COL5A1: variants seen among roughly 807,000 people sequenced by gnomAD.
COL5A1 encodes the protein collagen alpha-1(V) chain.
In COL5A1, 16 loss-of-function variants were observed where a neutral mutation model predicts 263.7. The observed-to-expected ratio is 0.06, with a 90% confidence interval of 0.04 to 0.09. The LOEUF is 0.09. COL5A1 is among the 10% of genes least tolerant of loss of function. The pLI is 1.00. For synonymous variants in COL5A1, 1,012 were observed against 1,004.5 expected (o/e 1.01, Z -0.14); for missense variants, 2,036 against 2,540.5 (o/e 0.80, Z 4.27).
intron 4 of COL5A1, among the ~76,000 whole-genome samples, chr9:134,707,485 T>C (rs1833876521): frequency 6.6e-6 from 1 of 151,934 alleles, no homozygotes; most frequent in Non-Finnish European, 1.5e-5. Context: ...GGGGCAGGAG[T>C]GGGGCCTGTG....
intron 11 of COL5A1, among the ~76,000 whole-genome samples, chr9:134,748,060 C>T (rs1052508322): frequency 3.5e-4 from 53 of 151,746 alleles, no homozygotes; most frequent in African/African-American, 1.3e-3. Context: ...CATGCATTCA[C>T]ACATGCACAC....
intron 11 of COL5A1, among the ~76,000 whole-genome samples, chr9:134,743,185 CTG>C (rs1298330029): frequency 6.6e-6 from 1 of 152,168 alleles, no homozygotes; most frequent in Non-Finnish European, 1.5e-5. Flanking sequence ...CCAGGCACTC[CTG>C]TGTTTTAAGG....
chr9:134,785,871 C>T lies in COL5A1; in HGVS notation c.2593-124C>T. 8 of 858,884 alleles carry T rather than the reference C, an allele frequency of 9.3e-6. No individual in the cohort carries two copies. The South Asian group carries it at 1.2e-4, about 12-fold the overall frequency. The allele number at this position is 858,884 out of a possible 1,614,324, so 53.2% of individuals were successfully genotyped here. A position where few individuals can be genotyped will look rare whatever the true frequency, so the allele number is the denominator to read the frequency against. ...GGGCTTCTGCATAATGACGTGTGCCCCCGCCTCTGGAAACCACACCCTCCT... is the reference window on the plus strand; with the variant it reads ...GGGCTTCTGCATAATGACGTGTGCCTCCGCCTCTGGAAACCACACCCTCCT... On this transcript the variant is annotated intron_variant, in intron 30 of 65. Coordinates refer to ENST00000371817, the MANE Select transcript of COL5A1 (RefSeq NM_000093.5).
intron 28 of COL5A1, among the ~76,000 whole-genome samples, chr9:134,781,538 G>A (rs1470220871): frequency 2.0e-5 from 3 of 152,206 alleles, no homozygotes; most frequent in African/African-American, 7.2e-5. Flanking sequence ...CAGCTTTGCC[G>A]CTTGATCTTG....
At chr9:134,666,422 G>C (rs1322459901) in intron 1 of COL5A1, among the ~76,000 whole-genome samples, 1 of 152,214 alleles carries the variant, frequency 6.6e-6, no homozygotes, top group African/African-American at 2.4e-5. Flanking sequence ...GGCCTCAGGC[G>C]AGTCTGTCCA....
At chr9:134,679,835 C>T (rs933129223) in intron 1 of COL5A1, among the ~76,000 whole-genome samples, 11 of 152,060 alleles carry the variant, frequency 7.2e-5, no homozygotes, top group Non-Finnish European at 1.0e-4. Context: ...CCAGTCCCCT[C>T]GCGAGGCCCC....
chr9:134,844,590 A>G lies in COL5A1; in HGVS notation c.*2287A>G, dbSNP rs186751580. On this transcript the variant is annotated 3_prime_UTR_variant, in exon 66 of 66. Transcript: ENST00000371817. Reference sequence around the variant, plus strand: ...TTATTTTTTCCTCTCAATATATATAATTGGACAAACGCTGGCAAAAAGAAA... The same window carrying G: ...TTATTTTTTCCTCTCAATATATATAGTTGGACAAACGCTGGCAAAAAGAAA... 6.6e-6 allele frequency: 1 copy of G among 152,300 alleles called. No homozygotes were observed. The highest frequency in any genetic ancestry group is 6.5e-5 in the Admixed American group (1 of 15,292). The allele number at this position is 152,300 out of a possible 1,614,324, so 9.4% of individuals were successfully genotyped here.
At chr9:134,785,890 CCCT>C in intron 30 of COL5A1, 102 bp from the exon 31 acceptor site, 1 of 1,075,414 alleles carries the variant, frequency 9.3e-7, no homozygotes, top group Non-Finnish European at 1.4e-6. Flanking sequence ...GGAAACCACA[CCCT>C]CCTCCAGGCC....
At chr9:134,826,656 GGTGGATGGGTGT>G (rs1182719931) in intron 63 of COL5A1, among the ~76,000 whole-genome samples, 1 of 150,734 alleles carries the variant, frequency 6.6e-6, no homozygotes, top group African/African-American at 2.5e-5. Context: ...GCATGTGGCT[GGTGGATGGGTGT>G]GTGTATGGGT....
Position 134,647,379 on chromosome 9 carries a change from G to A in COL5A1, c.109+5083G>A, listed in dbSNP as rs1181037748. On this transcript the variant is annotated intron_variant, in intron 1 of 65. Transcript: ENST00000371817. The surrounding 1 kb of genome is among the most constrained non-coding windows in gnomAD (Gnocchi z 5.0). Reference sequence around the variant, plus strand: ...TTGTGTGTATGTGTGTCATGTGTGCGTGTGTGTGTGTGTGTGTCAGGCCGT... The same window carrying A: ...TTGTGTGTATGTGTGTCATGTGTGCATGTGTGTGTGTGTGTGTCAGGCCGT... Among the ~76,000 whole-genome samples the A allele has an allele frequency of 1.1e-4, 16 of 141,844 alleles. No individual in the cohort carries two copies. The highest frequency in any genetic ancestry group is 5.9e-4 in the East Asian group (3 of 5,084). 93.1% of individuals were successfully genotyped at this position (141,844 alleles called of 152,430 possible). A position where few individuals can be genotyped will look rare whatever the true frequency, so the allele number is the denominator to read the frequency against.
At chr9:134,825,964 C>T (rs552178825) in intron 63 of COL5A1, 60 bp downstream of exon 63, 35 of 1,102,702 alleles carry the variant, frequency 3.2e-5, no homozygotes, top group Middle Eastern at 2.1e-4. Context: ...AGGGCCATGC[C>T]GAGGGCTTCA....
rs943983001 is a variant in COL5A1, at chr9:134,754,858, G to A, written c.1827+532G>A. On this transcript the variant is annotated intron_variant, in intron 16 of 65. Transcript: ENST00000371817. This position sits in a 1 kb window ranked among gnomAD's most constrained non-coding sequence, Gnocchi z 4.3. ...CTGACCACCACCCAGACAGGCTGGG[G>A]CAGGCCCTGGGAGCCCAGATTGTGC... 3.3e-5 allele frequency among the ~76,000 whole-genome samples: 5 copies of A among 152,158 alleles called. No homozygotes were observed. The highest frequency in any genetic ancestry group is 2.9e-5 in the Non-Finnish European group (2 of 68,028).
chr9:134,683,752 G>A (rs1283390921), intron 1 of COL5A1, among the ~76,000 whole-genome samples: 1 of 152,212 alleles, frequency 6.6e-6, no homozygotes, highest in Non-Finnish European at 1.5e-5. Context: ...CACCCCACCT[G>A]AGAGTGGGTG....
intron 36 of COL5A1, among the ~76,000 whole-genome samples, chr9:134,797,406 G>A (rs987102598): frequency 2.6e-5 from 4 of 152,178 alleles, no homozygotes; most frequent in Non-Finnish European, 5.9e-5. Flanking sequence ...GCACCCAGTG[G>A]CCTGTGCACA....
chr9:134,810,327 G>T lies in COL5A1; in HGVS notation c.3528+19G>T, dbSNP rs200672136. ...AGAACAGGTAAGTATTGGCACGGGG[G>T]CGCGCGGCAGCCCCCAGGTCCCGGG... On this transcript the variant is annotated intron_variant, in intron 44 of 65. Coordinates refer to ENST00000371817, the MANE Select transcript of COL5A1 (RefSeq NM_000093.5). The T allele has an allele frequency of 1.1e-4, 179 of 1,612,438 alleles. 1 individual carries two copies. In the East Asian group the frequency reaches 1.3e-3, roughly 12 times the overall value.
chr9:134,735,950 C>T (rs1470352434), intron 9 of COL5A1, among the ~76,000 whole-genome samples: 1 of 152,282 alleles, frequency 6.6e-6, no homozygotes, highest in African/African-American at 2.4e-5. Flanking sequence ...TACCCAGCAC[C>T]TCTGGTGACA....
At position 134,642,048 on chromosome 9, in the gene COL5A1, C is replaced by T. The variant is rs1437117366; in HGVS notation, c.-140C>T. 22 of 701,938 alleles carry T rather than the reference C, an allele frequency of 3.1e-5. No individual in the cohort carries two copies. The East Asian group carries it at 7.6e-4, about 24-fold the overall frequency. 43.5% of individuals were successfully genotyped at this position (701,938 alleles called of 1,614,324 possible). On this transcript the variant is annotated 5_prime_UTR_variant, in exon 1 of 66. In the 5' UTR this introduces an upstream ATG that the reference lacks. Transcript: ENST00000371817. This position sits in a 1 kb window ranked among gnomAD's most constrained non-coding sequence, Gnocchi z 4.5. ...GAACAGCCGCCGCCACAAAGAAGAA[C>T]GGGGGGTGCCGAGGTCCCCATGACC...
chr9:134,828,071 T>G (rs1259538437), intron 63 of COL5A1, among the ~76,000 whole-genome samples: 1 of 152,168 alleles, frequency 6.6e-6, no homozygotes, highest in East Asian at 1.9e-4. Flanking sequence ...TGAGCCCCAG[T>G]CAGTCCAGGC....
At chr9:134,684,547 G>A (rs1375486762) in intron 1 of COL5A1, among the ~76,000 whole-genome samples, 1 of 152,222 alleles carries the variant, frequency 6.6e-6, no homozygotes, top group African/African-American at 2.4e-5. Context: ...GCTGGTCCAG[G>A]CCAGGAGCAC....
Sources: allele counts gnomAD v4.1 joint callset (sites outside exome capture counted in the v4.1 genomes callset), GRCh38; gene constraint gnomAD v4.1.1; non-coding constraint Gnocchi (gnomAD v3.1); transcripts MANE v1.5; gene names NCBI Gene and HGNC (gene_info 2026-07-23, HGNC 2026-07-21).